The following DCBLD1 variants were observed in gnomAD, a reference collection of about 807,000 sequenced individuals.
The protein encoded by DCBLD1 is discoidin, CUB and LCCL domain-containing protein 1.
DCBLD1 carries 57 observed loss-of-function variants against 71.5 expected under a neutral mutation model. That is an observed-to-expected ratio of 0.80 (90% CI 0.64 to 0.99). The LOEUF (loss-of-function observed/expected upper bound fraction) is 0.99, where lower values mean the gene tolerates loss of function less well. Among genes scored for constraint, DCBLD1 ranks in the 50% least tolerant of loss-of-function variants. The probability of loss-of-function intolerance (pLI) is 0.00; values close to 1 mark genes in which losing one functional copy is unlikely to be tolerated. For missense variants in DCBLD1, 891 were observed against 923.5 expected (o/e 0.96, Z 0.46); for synonymous variants, 380 against 363.8 (o/e 1.04, Z -0.51).
At chr6:117,563,081 G>T in intron 14 of DCBLD1, 1 of 591,188 alleles carries the variant, frequency 1.7e-6, no homozygotes, top group Non-Finnish European at 3.0e-6. Flanking sequence ...GTCTACCACA[G>T]AAAACAGGGT....
At chr6:117,520,469 G>A (rs1778349843) in intron 3 of DCBLD1, among the ~76,000 whole-genome samples, 1 of 151,988 alleles carries the variant, frequency 6.6e-6, no homozygotes, top group Non-Finnish European at 1.5e-5. Flanking sequence ...CTATTCTCTG[G>A]AGCCCTCCCC....
At chr6:117,537,626 T>G (rs539677099) in intron 7 of DCBLD1, among the ~76,000 whole-genome samples, 1 of 148,628 alleles carries the variant, frequency 6.7e-6, no homozygotes, top group Admixed American at 6.7e-5. Flanking sequence ...AAGGTTGTTT[T>G]TTTTTTTTTT....
chr6:117,567,147 A>G (rs781604639), intron 14 of DCBLD1: 3 of 632,808 alleles, frequency 4.7e-6, no homozygotes, highest in Non-Finnish European at 7.5e-6. Context: ...GAGATAGCTG[A>G]TTTCCAGAAA....
At chr6:117,563,443 C>T in intron 14 of DCBLD1, 2 of 1,547,074 alleles carry the variant, frequency 1.3e-6, no homozygotes, top group Non-Finnish European at 8.9e-7. Flanking sequence ...TGGTTTTGGT[C>T]AGGTGCAGTG....
intron 14 of DCBLD1, among the ~76,000 whole-genome samples, chr6:117,559,902 G>A (rs117320387): frequency 3.3e-5 from 5 of 152,200 alleles, no homozygotes; most frequent in East Asian, 3.9e-4. Flanking sequence ...ATCAACACAC[G>A]GAAAGCATAT....
chr6:117,502,197 T>A (rs1181192865), intron 1 of DCBLD1, among the ~76,000 whole-genome samples: 1 of 152,214 alleles, frequency 6.6e-6, no homozygotes, highest in Non-Finnish European at 1.5e-5. Context: ...AAATTCTATG[T>A]GTCTTTGTTG....
At chr6:117,561,045 C>T (rs562398072) in intron 14 of DCBLD1, 14 of 221,918 alleles carry the variant, frequency 6.3e-5, no homozygotes, top group Non-Finnish European at 1.2e-4. Context: ...TTTCTAACAC[C>T]GGACAGGAAG....
intron 14 of DCBLD1, among the ~76,000 whole-genome samples, chr6:117,557,960 G>A (rs548895484): frequency 6.6e-6 from 1 of 152,268 alleles, no homozygotes; most frequent in East Asian, 1.9e-4. Context: ...GTAGGGGCAG[G>A]TATTGCCTTA....
At chr6:117,564,450 A>C (rs1268022308) in intron 14 of DCBLD1, among the ~76,000 whole-genome samples, 1 of 152,242 alleles carries the variant, frequency 6.6e-6, no homozygotes, top group Non-Finnish European at 1.5e-5. Context: ...TTTGTTGGCA[A>C]GATGATGTCT....
In DCBLD1 at chr6:117,540,969, C is replaced by T. The variant is rs780404803; in HGVS notation, c.1301C>T (p.Thr434Ile). The T allele has an allele frequency of 6.2e-7, 1 of 1,614,046 alleles. No individual in the cohort carries two copies. The highest frequency in any genetic ancestry group is 8.5e-7 in the Non-Finnish European group (1 of 1,180,024). ...ACAAGTCAAAGCACCAGTGTTTCAACTAAGAAAGAAGATGAGACAATCACA... is the reference window on the plus strand; with the variant it reads ...ACAAGTCAAAGCACCAGTGTTTCAATTAAGAAAGAAGATGAGACAATCACA... ...RKTSQSTSVS[T>I]KKEDETITRP... Residue 434 changes from threonine (T) to isoleucine (I), a missense_variant, in exon 11 of 15, where the codon ACT becomes ATT. Coordinates refer to ENST00000338728, the MANE Select transcript of DCBLD1 (RefSeq NM_001366458.2).
At chr6:117,497,140 C>T (rs1297182279) in intron 1 of DCBLD1, among the ~76,000 whole-genome samples, 1 of 152,064 alleles carries the variant, frequency 6.6e-6, no homozygotes, top group Non-Finnish European at 1.5e-5. Context: ...GGTCAGTAAG[C>T]CGAGACTGCG....
rs929514126 is a variant in DCBLD1, at chr6:117,549,417, A to G, written c.*978A>G. 3.0e-6 allele frequency: 3 copies of G among 985,428 alleles called. No individual in the cohort carries two copies. Among genetic ancestry groups the G allele is most frequent in the African/African-American group, 3.5e-5 (2 of 57,354 alleles). 61.0% of individuals were successfully genotyped at this position (985,428 alleles called of 1,614,324 possible). On this transcript the variant is annotated 3_prime_UTR_variant, in exon 15 of 15. Transcript: ENST00000338728. ...CTGTTGGAAACTGATCTCATTTTAT[A>G]AGAAATGATTTTCCCCTCAAGGAGG...
chr6:117,500,082 A>G (rs1582974085), intron 1 of DCBLD1, among the ~76,000 whole-genome samples: 2 of 152,232 alleles, frequency 1.3e-5, no homozygotes, highest in East Asian at 1.9e-4. Flanking sequence ...TCTTCAACAC[A>G]TGACATTGTA....
At position 117,549,303 on chromosome 6, in the gene DCBLD1, T is replaced by A; in HGVS notation, c.*864T>A. On this transcript the variant is annotated 3_prime_UTR_variant, in exon 15 of 15. Coordinates refer to ENST00000338728, the MANE Select transcript of DCBLD1 (RefSeq NM_001366458.2). ...AGTAGCACATTTTCGTGACTTCCGC[T>A]GTCCTCTGAAAAACAAAGTTATTTG... 1 of 985,466 alleles carries A rather than the reference T, an allele frequency of 1.0e-6. No individual in the cohort carries two copies. The highest frequency in any genetic ancestry group is 1.2e-6 in the Non-Finnish European group (1 of 829,936). 61.0% of individuals were successfully genotyped at this position (985,466 alleles called of 1,614,324 possible). A position where few individuals can be genotyped will look rare whatever the true frequency, so the allele number is the denominator to read the frequency against.
At chr6:117,485,620 CTATA>C (rs1218580916) in intron 1 of DCBLD1, among the ~76,000 whole-genome samples, 1 of 152,208 alleles carries the variant, frequency 6.6e-6, no homozygotes, top group African/African-American at 2.4e-5. Context: ...GAGACTGGGA[CTATA>C]TAGTCTTTGT....
At chr6:117,563,846 T>A (rs1779639376) in intron 14 of DCBLD1, among the ~76,000 whole-genome samples, 1 of 152,066 alleles carries the variant, frequency 6.6e-6, no homozygotes. Flanking sequence ...ATTAATCAAA[T>A]CAGTAATTCC....
intron 1 of DCBLD1, among the ~76,000 whole-genome samples, chr6:117,497,775 C>T (rs1777519043): frequency 6.6e-6 from 1 of 152,090 alleles, no homozygotes; most frequent in Admixed American, 6.5e-5. Flanking sequence ...TATTATGAGG[C>T]TAATGTTGAA....
intron 2 of DCBLD1, among the ~76,000 whole-genome samples, chr6:117,518,330 G>A (rs576393054): frequency 3.3e-5 from 5 of 152,212 alleles, no homozygotes; most frequent in South Asian, 2.1e-4. Flanking sequence ...TGTCCATATC[G>A]CTATCAGCAT....
At position 117,543,687 on chromosome 6, in the gene DCBLD1, C is replaced by T. The variant is rs560639107; in HGVS notation, c.1445+476C>T. ...GTATTACTTTATAAGCAGTTCTTGTCATTTAGAGACCTTTGGTAAAGACTT... is the reference window on the plus strand; with the variant it reads ...GTATTACTTTATAAGCAGTTCTTGTTATTTAGAGACCTTTGGTAAAGACTT... On this transcript the variant is annotated intron_variant, in intron 12 of 14. Coordinates refer to ENST00000338728, the MANE Select transcript of DCBLD1 (RefSeq NM_001366458.2). 4.6e-5 allele frequency among the ~76,000 whole-genome samples: 7 copies of T among 152,286 alleles called. 1 individual carries two copies. In the South Asian group the frequency reaches 1.5e-3, roughly 32 times the overall value.
Sources: allele counts gnomAD v4.1 joint callset (sites outside exome capture counted in the v4.1 genomes callset), GRCh38; gene constraint gnomAD v4.1.1; transcripts MANE v1.5; gene names NCBI Gene and HGNC (gene_info 2026-07-23, HGNC 2026-07-21).